Variants in GRIK4 observed in about 807,000 individuals in gnomAD.
The protein encoded by GRIK4 is glutamate receptor ionotropic, kainate 4.
GRIK4 carries 40 observed loss-of-function variants against 104.9 expected under a neutral mutation model. The observed-to-expected ratio is 0.38, with a 90% CI of 0.30 to 0.50. The LOEUF (loss-of-function observed/expected upper bound fraction) is 0.50. GRIK4 is among the 20% of genes least tolerant of loss of function. The pLI is 0.93. For synonymous variants in GRIK4, 485 were observed against 524.9 expected (o/e 0.92, Z 1.04); for missense variants, 1,047 against 1,308.1 (o/e 0.80, Z 3.08).
At chr11:120,890,703 G>A (rs1006105672) in intron 11 of GRIK4, among the ~76,000 whole-genome samples, 6 of 152,168 alleles carry the variant, frequency 3.9e-5, no homozygotes, top group African/African-American at 9.7e-5. Flanking sequence ...TATTATTGTT[G>A]TCTGAAGTAC....
At chr11:120,765,331 A>G (rs750541491) in intron 3 of GRIK4, among the ~76,000 whole-genome samples, 13 of 151,564 alleles carry the variant, frequency 8.6e-5, no homozygotes, top group Non-Finnish European at 1.9e-4. Context: ...TCTTTCCTAA[A>G]CTGGTTATTC....
chr11:120,710,611 T>C (rs945898783), intron 3 of GRIK4, among the ~76,000 whole-genome samples: 1 of 152,178 alleles, frequency 6.6e-6, no homozygotes, highest in East Asian at 1.9e-4. Context: ...CAGATTGGAA[T>C]GCGCCCTGCG....
intron 3 of GRIK4, among the ~76,000 whole-genome samples, chr11:120,789,529 C>T (rs1404172743): frequency 6.6e-6 from 1 of 152,118 alleles, no homozygotes; most frequent in African/African-American, 2.4e-5. Context: ...CTGATCTTCC[C>T]AACTCGTATT....
intron 13 of GRIK4, among the ~76,000 whole-genome samples, chr11:120,918,188 C>T (rs1460718289): frequency 6.6e-6 from 1 of 152,176 alleles, no homozygotes; most frequent in Non-Finnish European, 1.5e-5. Context: ...GCCTTGCTCT[C>T]CTTCCCACCC....
chr11:120,786,157 G>A (rs4544011), intron 3 of GRIK4, among the ~76,000 whole-genome samples: 66,819 of 151,930 alleles, frequency 0.44, 17,440 homozygotes, highest in East Asian at 0.8. Context: ...GGGCCATCCC[G>A]CTGGTGCCAT....
intron 1 of GRIK4, among the ~76,000 whole-genome samples, chr11:120,516,685 C>T (rs1947729678): frequency 1.3e-5 from 2 of 152,070 alleles, no homozygotes; most frequent in African/African-American, 4.8e-5. Flanking sequence ...GCTTGAATGA[C>T]ATTTTCAAGA....
chr11:120,855,330 T>C (rs565326702), intron 8 of GRIK4, among the ~76,000 whole-genome samples: 1 of 152,210 alleles, frequency 6.6e-6, no homozygotes, highest in Non-Finnish European at 1.5e-5. Context: ...TGACTCCTTT[T>C]CTGGGTTCTT....
At chr11:120,975,428 G>C (rs963042751) in intron 19 of GRIK4, among the ~76,000 whole-genome samples, 1 of 152,102 alleles carries the variant, frequency 6.6e-6, no homozygotes, top group Non-Finnish European at 1.5e-5. Context: ...GATCAAATTA[G>C]ATCTATTTTT....
At chr11:120,537,082 A>G (rs1947985333) in intron 1 of GRIK4, among the ~76,000 whole-genome samples, 1 of 152,200 alleles carries the variant, frequency 6.6e-6, no homozygotes, top group Admixed American at 6.5e-5. Flanking sequence ...CAAGAGGGCA[A>G]GGGAGCCGAG....
intron 3 of GRIK4, among the ~76,000 whole-genome samples, chr11:120,706,418 T>C (rs1200740019): frequency 6.6e-6 from 1 of 152,156 alleles, no homozygotes; most frequent in African/African-American, 2.4e-5. Flanking sequence ...TCTGTGAGTG[T>C]GAGTGTGCAC....
rs947722342 is a variant in GRIK4, at chr11:120,740,080, T to C, written c.83-62613T>C. The stretch of plus-strand genomic sequence containing the variant: ...GGAACAGCTTGGGATGTGGACTACA[T>C]GGACAATTGGCTGAACTTTTGCAGA... On this transcript the variant is annotated intron_variant, in intron 3 of 20. Transcript: ENST00000527524. Among the ~76,000 whole-genome samples the C allele has an allele frequency of 2.6e-5, 4 of 152,340 alleles. No individual in the cohort carries two copies. The South Asian group carries it at 8.3e-4, about 32-fold the overall frequency.
At chr11:120,638,902 C>G (rs1949433875) in intron 1 of GRIK4, among the ~76,000 whole-genome samples, 1 of 152,014 alleles carries the variant, frequency 6.6e-6, no homozygotes, top group Non-Finnish European at 1.5e-5. Context: ...GAGCAGGGGT[C>G]AGGCCTGGAG....
intron 1 of GRIK4, among the ~76,000 whole-genome samples, chr11:120,546,963 G>A (rs1247530305): frequency 6.6e-6 from 1 of 152,220 alleles, no homozygotes; most frequent in Non-Finnish European, 1.5e-5. Context: ...CAGCAAGGTC[G>A]GGGGGTTGGC....
chr11:120,574,920 C>A (rs1379735050), intron 1 of GRIK4, among the ~76,000 whole-genome samples: 2 of 152,164 alleles, frequency 1.3e-5, no homozygotes, highest in East Asian at 1.9e-4. Flanking sequence ...AGGAAAGGGA[C>A]CCCTGACCTC....
chr11:120,719,812 C>T (rs1323424199), intron 3 of GRIK4, among the ~76,000 whole-genome samples: 2 of 152,064 alleles, frequency 1.3e-5, no homozygotes, highest in Non-Finnish European at 2.9e-5. Flanking sequence ...CAGAAGGATC[C>T]TTCTTTTTAT....
At chr11:120,812,164 G>A (rs2135528261) in intron 4 of GRIK4, among the ~76,000 whole-genome samples, 1 of 152,362 alleles carries the variant, frequency 6.6e-6, no homozygotes, top group Non-Finnish European at 1.5e-5. Context: ...GAGAAGGTCA[G>A]ATGGTCGGAA....
At chr11:120,564,455 T>C in intron 1 of GRIK4, 1 of 152,198 alleles carries the variant, frequency 6.6e-6, no homozygotes, top group East Asian at 1.9e-4. Flanking sequence ...TCCCCGACGT[T>C]TCGGGAGGAG....
At chr11:120,784,816 C>A (rs190279768) in intron 3 of GRIK4, among the ~76,000 whole-genome samples, 8 of 152,156 alleles carry the variant, frequency 5.3e-5, no homozygotes, top group African/African-American at 1.2e-4. Context: ...CACCATCTCC[C>A]CAGTTCATCC....
At chr11:120,920,061 C>G (rs2134563708) in intron 13 of GRIK4, among the ~76,000 whole-genome samples, 1 of 152,202 alleles carries the variant, frequency 6.6e-6, no homozygotes, top group South Asian at 2.1e-4. Flanking sequence ...AATGTGCCCA[C>G]CCCTGTCCTC....
Sources: allele counts gnomAD v4.1 joint callset (sites outside exome capture counted in the v4.1 genomes callset), GRCh38; gene constraint gnomAD v4.1.1; transcripts MANE v1.5; gene names NCBI Gene and HGNC (gene_info 2026-07-23, HGNC 2026-07-21).